COBLL1: variants seen among roughly 807,000 people sequenced by gnomAD.
COBLL1 encodes cordon-bleu WH2 repeat protein like 1.
A neutral mutation model predicts 94.8 loss-of-function variants in COBLL1; 50 were observed. The ratio of observed to expected loss-of-function variants is 0.53; its 90% confidence interval spans 0.42 to 0.67. The LOEUF (loss-of-function observed/expected upper bound fraction) is 0.67, where lower values mean the gene tolerates loss of function less well. COBLL1 is among the 30% of genes least tolerant of loss of function. The probability of loss-of-function intolerance (pLI) is 0.00; values close to 1 mark genes in which losing one functional copy is unlikely to be tolerated. For missense variants in COBLL1, 1,362 were observed against 1,348.7 expected, an observed-to-expected ratio of 1.01 and a Z score of -0.15; for synonymous variants, 448 against 473.8, an observed-to-expected ratio of 0.95 and a Z score of 0.71.
intron 2 of COBLL1, among the ~76,000 whole-genome samples, chr2:164,784,282 G>A (rs548817797): frequency 2.6e-5 from 4 of 152,144 alleles, no homozygotes; most frequent in South Asian, 2.1e-4. Context: ...ACCATACTGC[G>A]CAACACACAG....
chr2:164,826,419 A>G (rs1299446623), intron 2 of COBLL1, among the ~76,000 whole-genome samples: 1 of 152,230 alleles, frequency 6.6e-6, no homozygotes, highest in Non-Finnish European at 1.5e-5. Flanking sequence ...TGGTTTCAAA[A>G]TAGTACAATA....
intron 2 of COBLL1, among the ~76,000 whole-genome samples, chr2:164,811,545 T>C (rs181482061): frequency 3.9e-5 from 6 of 152,076 alleles, no homozygotes; most frequent in Non-Finnish European, 7.4e-5. Context: ...TAGAATTCCA[T>C]TATCTGTGAC....
chr2:164,841,509 T>G lies in COBLL1; in HGVS notation c.-51+201A>C. ...CCGTGGGGTTTACTGGGTAGCCATT[T>G]GGCGCCTCTCGGAGGGAGAGGAGCC... On this transcript the variant is annotated intron_variant, in intron 1 of 13. Coordinates refer to ENST00000652658, the MANE Select transcript of COBLL1 (RefSeq NM_001365672.2). This position sits in a 1 kb window ranked among gnomAD's most constrained non-coding sequence, Gnocchi z 5.5. 2.8e-6 allele frequency: 3 copies of G among 1,073,060 alleles called. No homozygotes were observed. Among genetic ancestry groups the G allele is most frequent in the Non-Finnish European group, 3.4e-6 (3 of 875,560 alleles). The allele number at this position is 1,073,060 out of a possible 1,614,324, so 66.5% of individuals were successfully genotyped here.
intron 2 of COBLL1, among the ~76,000 whole-genome samples, chr2:164,658,606 G>T (rs1416135121): frequency 6.6e-6 from 1 of 152,186 alleles, no homozygotes. Context: ...CTGACTATCT[G>T]CCTGATAGTT....
intron 2 of COBLL1, among the ~76,000 whole-genome samples, chr2:164,786,353 A>C (rs1473905717): frequency 3.9e-5 from 6 of 152,238 alleles, no homozygotes; most frequent in Non-Finnish European, 7.3e-5. Context: ...AGTCATGCCA[A>C]ATAAAACAGA....
intron 2 of COBLL1, among the ~76,000 whole-genome samples, chr2:164,755,201 TAA>T (rs1346956202): frequency 6.6e-6 from 1 of 152,072 alleles, no homozygotes; most frequent in Non-Finnish European, 1.5e-5. Flanking sequence ...ATGTTGTTTT[TAA>T]AGACACAGGT....
intron 2 of COBLL1, among the ~76,000 whole-genome samples, chr2:164,829,262 C>G (rs183049782): frequency 1.2e-3 from 188 of 152,192 alleles, no homozygotes; most frequent in African/African-American, 3.5e-3. Flanking sequence ...ACAAACAGTA[C>G]CCGAGTTACA....
Position 164,739,340 on chromosome 2 carries a change from A to T in COBLL1, c.230+4347T>A, listed in dbSNP as rs564003538. On this transcript the variant is annotated intron_variant, in intron 3 of 13. Coordinates refer to ENST00000652658, the MANE Select transcript of COBLL1 (RefSeq NM_001365672.2). ...TGTACAAACAAGTGCGTTCTTCTGA[A>T]GATACCACTGTGCACTCACATTCCC... 4.6e-5 allele frequency among the ~76,000 whole-genome samples: 7 copies of T among 152,308 alleles called. No homozygotes were observed. The South Asian group carries it at 1.4e-3, about 32-fold the overall frequency.
At chr2:164,724,147 C>G (rs566560666) in intron 5 of COBLL1, 1 of 152,150 alleles carries the variant, frequency 6.6e-6, no homozygotes, top group East Asian at 1.9e-4. Flanking sequence ...ATAGCTGACA[C>G]GGAGAACCTT....
In COBLL1 at chr2:164,764,216, T is replaced by C. The variant is rs188707288; in HGVS notation, c.42-20341A>G. ...ACCCAGCTAGCTTTTCTTTTTTATA[T>C]GCTTCTAGTGTGATATATTCTAAAG... On this transcript the variant is annotated intron_variant, in intron 2 of 13. Transcript: ENST00000652658. Among the ~76,000 whole-genome samples the C allele has an allele frequency of 2.0e-5, 3 of 152,332 alleles. No individual in the cohort carries two copies. The East Asian group carries it at 5.8e-4, about 29-fold the overall frequency.
At chr2:164,741,794 T>G (rs1487991514) in intron 3 of COBLL1, among the ~76,000 whole-genome samples, 1 of 152,030 alleles carries the variant, frequency 6.6e-6, no homozygotes, top group Non-Finnish European at 1.5e-5. Flanking sequence ...AAATATCTGA[T>G]GCAGAATCTA....
chr2:164,725,999 C>G (rs1360795508), intron 5 of COBLL1, among the ~76,000 whole-genome samples: 1 of 152,078 alleles, frequency 6.6e-6, no homozygotes, highest in Non-Finnish European at 1.5e-5. Context: ...TTTGGATTGA[C>G]CTTGTAGATT....
intron 2 of COBLL1, among the ~76,000 whole-genome samples, chr2:164,805,279 CTCTG>C (rs1559033121): frequency 2.8e-5 from 2 of 70,626 alleles, no homozygotes; most frequent in South Asian, 4.3e-4. Flanking sequence ...ATATTATTCT[CTCTG>C]TCTGTCTCTC....
At chr2:164,704,841 A>G in intron 8 of COBLL1, 111 bp downstream of exon 8, 1 of 1,166,354 alleles carries the variant, frequency 8.6e-7, no homozygotes, top group South Asian at 1.7e-5. Flanking sequence ...GATGTATTTA[A>G]AAAGCCTAAG....
At position 164,699,481 on chromosome 2, in the gene COBLL1, T is replaced by C. The variant is rs1364756788; in HGVS notation, c.1479A>G (p.Val493=). 1 of 1,610,866 alleles carries C rather than the reference T, an allele frequency of 6.2e-7. No homozygotes were observed. Among genetic ancestry groups the C allele is most frequent in the African/African-American group, 1.3e-5 (1 of 74,954 alleles). The stretch of plus-strand genomic sequence containing the variant: ...CCTTCTTTCCATTGCTTGTATCATA[T>C]ACTACACTGTGTGGTTCTCTGGAAG... ...STDGQEPHSV[V]YDTSNGKKVV... Residue 493 remains valine (V), a synonymous_variant, in exon 11 of 14, where the codon GTA becomes GTG. Transcript: ENST00000652658.
rs777395528 is a variant in COBLL1 at position 164,704,486 on chromosome 2, T to C, written c.1183A>G (p.Ser395Gly). 32 of 1,613,686 alleles carry C rather than the reference T, an allele frequency of 2.0e-5. No homozygotes were observed. Among genetic ancestry groups the C allele is most frequent in the East Asian group, 8.9e-5 (4 of 44,886 alleles). The change falls in exon 9 of 14, where the codon AGT (serine) becomes GGT (glycine). Residue 395 changes from serine (S) to glycine (G), a missense_variant. Coordinates refer to ENST00000652658, the MANE Select transcript of COBLL1 (RefSeq NM_001365672.2). ...TCAGGAGAGTTTGCTTCTGAAGCAC[T>C]GTCTGGAGGAACTCCATCTACTGGC... The part of the protein sequence containing the change: ...LQPVDGVPPD[S>G]ASEANSPEEL...
At chr2:164,675,784 T>A (rs569862679), downstream of COBLL1, among the ~76,000 whole-genome samples, 9 of 152,296 alleles carry the variant, frequency 5.9e-5, no homozygotes, top group African/African-American at 2.2e-4. Flanking sequence ...ACATGGGTAT[T>A]CTTTATGGTA....
At chr2:164,781,284 C>A (rs1191592728) in intron 2 of COBLL1, among the ~76,000 whole-genome samples, 1 of 152,106 alleles carries the variant, frequency 6.6e-6, no homozygotes, top group Admixed American at 6.6e-5. Flanking sequence ...AAAAATAGCA[C>A]AATAATGGCC....
intron 2 of COBLL1, among the ~76,000 whole-genome samples, chr2:164,815,653 A>C (rs1468279858): frequency 2.0e-5 from 3 of 152,192 alleles, no homozygotes; most frequent in African/African-American, 7.2e-5. Flanking sequence ...TGGTATTAAG[A>C]ATATCAATAA....
Sources: allele counts gnomAD v4.1 joint callset (sites outside exome capture counted in the v4.1 genomes callset), GRCh38; gene constraint gnomAD v4.1.1; non-coding constraint Gnocchi (gnomAD v3.1); transcripts MANE v1.5; gene names NCBI Gene and HGNC (gene_info 2026-07-23, HGNC 2026-07-21).